The following PLCZ1 variants were observed in gnomAD, a reference collection of about 807,000 sequenced individuals.
PLCZ1 encodes the protein 1-phosphatidylinositol 4,5-bisphosphate phosphodiesterase zeta-1.
Under a neutral mutation model 76.8 loss-of-function variants are expected in PLCZ1, and 64 were observed. The observed-to-expected ratio is 0.83, with a 90% CI of 0.68 to 1.03. The LOEUF (loss-of-function observed/expected upper bound fraction) is 1.03, where lower values mean the gene tolerates loss of function less well. Among genes scored for constraint, PLCZ1 ranks in the 50% least tolerant of loss-of-function variants. The probability of loss-of-function intolerance (pLI) is 0.00; values close to 1 mark genes in which losing one functional copy is unlikely to be tolerated. For synonymous variants in PLCZ1, 248 were observed against 230.8 expected, an observed-to-expected ratio of 1.07 and a Z score of -0.68; for missense variants, 751 against 713.7, an observed-to-expected ratio of 1.05 and a Z score of -0.60.
At chr12:18,716,955 T>A (rs16914527) in intron 5 of PLCZ1, among the ~76,000 whole-genome samples, 10,662 of 152,196 alleles carry the variant, frequency 0.07, 445 homozygotes, top group African/African-American at 0.1. Context: ...AATGGTTATA[T>A]CTGTCACAAA....
At chr12:18,710,609 G>A (rs947849941) in intron 6 of PLCZ1, among the ~76,000 whole-genome samples, 12 of 152,116 alleles carry the variant, frequency 7.9e-5, no homozygotes, top group African/African-American at 2.7e-4. Context: ...AATAAGAAAA[G>A]AAGCAAGAAT....
intron 14 of PLCZ1, 161 bp from the exon 15 acceptor site, chr12:18,683,485 A>G: frequency 2.7e-6 from 4 of 1,480,622 alleles, no homozygotes; most frequent in Non-Finnish European, 3.7e-6. Flanking sequence ...CAAAAATTAA[A>G]TATTTGCATT....
At chr12:18,736,841 A>C in intron 2 of PLCZ1, 1 of 479,270 alleles carries the variant, frequency 2.1e-6, no homozygotes, top group East Asian at 6.9e-5. Context: ...ACCATGACTG[A>C]TAAAGTTATT....
chr12:18,730,174 G>C (rs1322687615), intron 3 of PLCZ1, among the ~76,000 whole-genome samples: 4 of 152,142 alleles, frequency 2.6e-5, no homozygotes, highest in East Asian at 3.9e-4. Flanking sequence ...TGCTCTGAGA[G>C]ACTAGAAGAT....
chr12:18,693,260 G>A, intron 12 of PLCZ1: 4 of 1,532,474 alleles, frequency 2.6e-6, no homozygotes, highest in Non-Finnish European at 3.6e-6. Context: ...CCATGATAGG[G>A]GTGCTGATGG....
chr12:18,671,409 C>G, the PLCZ1 span, among the ~76,000 whole-genome samples: 1 of 151,874 alleles, frequency 6.6e-6, no homozygotes, highest in Non-Finnish European at 1.5e-5. Flanking sequence ...GAGCCTGGCC[C>G]CTTTGTGTAA....
Position 18,736,342 on chromosome 12 carries a change from C to CA in PLCZ1, c.13dup (p.Trp5LeufsTer9). On this transcript the variant is annotated frameshift_variant and splice_region_variant, in exon 3 of 15. Transcript: ENST00000266505. LOFTEE classifies it high-confidence loss of function. ...GTCATCCTGAATCTTTGACAAAAACCATGTAGAAGCACAAAAAAGTTAAGG... is the reference window on the plus strand; with the variant it reads ...GTCATCCTGAATCTTTGACAAAAACCAATGTAGAAGCACAAAAAAGTTAAGG... The CA allele has an allele frequency of 1.2e-6, 2 of 1,610,806 alleles. No individual in the cohort carries two copies. The highest frequency in any genetic ancestry group is 1.7e-6 in the Non-Finnish European group (2 of 1,178,738).
At chr12:18,735,585 T>C (rs1039363590) in intron 3 of PLCZ1, among the ~76,000 whole-genome samples, 1 of 152,138 alleles carries the variant, frequency 6.6e-6, no homozygotes, top group Non-Finnish European at 1.5e-5. Flanking sequence ...TTTCTAGTTC[T>C]TCTTGGTTCA....
chr12:18,693,091 C>T (rs1954377369), intron 12 of PLCZ1: 1 of 1,517,602 alleles, frequency 6.6e-7, no homozygotes. Context: ...CTGAGGGGGA[C>T]CCCAATGTCA....
At chr12:18,694,791 A>G in intron 12 of PLCZ1, 119 bp downstream of exon 12, 1 of 838,230 alleles carries the variant, frequency 1.2e-6, no homozygotes, top group South Asian at 1.9e-5. Context: ...ATAGTACCTG[A>G]AAAGATTAAC....
At chr12:18,707,114 G>C (rs146135896) in intron 6 of PLCZ1, among the ~76,000 whole-genome samples, 55 of 152,178 alleles carry the variant, frequency 3.6e-4, no homozygotes, top group Non-Finnish European at 6.5e-4. Context: ...GGTGTTCAGC[G>C]CCTACTCAGA....
chr12:18,705,572 A>G (rs770386665), intron 6 of PLCZ1, among the ~76,000 whole-genome samples: 1 of 152,090 alleles, frequency 6.6e-6, no homozygotes, highest in Non-Finnish European at 1.5e-5. Context: ...ACTTATTTAA[A>G]TAAATTATAC....
At chr12:18,678,409 G>A (rs75796310), downstream of PLCZ1, among the ~76,000 whole-genome samples, 772 of 152,062 alleles carry the variant, frequency 5.1e-3, 7 homozygotes, top group African/African-American at 0.017. Flanking sequence ...AATTTGATTC[G>A]TTTTGACATA....
At chr12:18,686,753 AT>A (rs1484238287) in intron 13 of PLCZ1, among the ~76,000 whole-genome samples, 2 of 152,060 alleles carry the variant, frequency 1.3e-5, no homozygotes, top group African/African-American at 4.8e-5. Context: ...TAAACTATCT[AT>A]AGAAGAGTTC....
the PLCZ1 span, among the ~76,000 whole-genome samples, chr12:18,667,454 A>T: frequency 2.0e-5 from 3 of 152,178 alleles, no homozygotes; most frequent in Non-Finnish European, 2.9e-5. Flanking sequence ...AGTCTTTGAC[A>T]ACACTAAGTA....
intron 10 of PLCZ1, among the ~76,000 whole-genome samples, chr12:18,698,607 T>C (rs1285614886): frequency 1.3e-5 from 2 of 152,174 alleles, no homozygotes; most frequent in Non-Finnish European, 2.9e-5. Flanking sequence ...TCTGTGGTAT[T>C]TCTACACAAG....
chr12:18,661,971 C>G, the PLCZ1 span, among the ~76,000 whole-genome samples: 168 of 152,170 alleles, frequency 1.1e-3, no homozygotes, highest in Middle Eastern at 6.8e-3. Context: ...TTTGCAGAAA[C>G]ATGAATGGAG....
chr12:18,693,233 C>T, intron 12 of PLCZ1: 11 of 1,558,958 alleles, frequency 7.1e-6, no homozygotes, highest in Non-Finnish European at 9.7e-6. Flanking sequence ...CGGTCAGGCT[C>T]AACCACAAGG....
At chr12:18,736,559 A>G in intron 2 of PLCZ1, 1 of 1,276,456 alleles carries the variant, frequency 7.8e-7, no homozygotes, top group South Asian at 1.5e-5. Context: ...CACAGTAAAA[A>G]TACAAAAAAA....
Sources: allele counts gnomAD v4.1 joint callset (sites outside exome capture counted in the v4.1 genomes callset), GRCh38; gene constraint gnomAD v4.1.1; transcripts MANE v1.5; gene names NCBI Gene and HGNC (gene_info 2026-07-23, HGNC 2026-07-21).